Variants in LRRC37A2 observed in about 807,000 individuals in gnomAD.
LRRC37A2 encodes the protein leucine-rich repeat-containing protein 37A2.
Under a neutral mutation model 68.8 loss-of-function variants are expected in LRRC37A2, and 9 were observed. That is an observed-to-expected ratio of 0.13 (90% CI 0.08 to 0.23). LRRC37A2 has a LOEUF of 0.23. LRRC37A2 is among the 10% of genes least tolerant of loss of function. The pLI, the probability that LRRC37A2 is intolerant of heterozygous loss-of-function variation, is 1.00. For missense variants in LRRC37A2, 168 were observed against 950.4 expected (o/e 0.18, Z 10.82); for synonymous variants, 63 against 367.6 (o/e 0.17, Z 9.48).
the LRRC37A2 span, chr17:47,018,681 G>A: frequency 1.3e-6 from 2 of 1,520,350 alleles, no homozygotes; most frequent in Non-Finnish European, 1.8e-6. Flanking sequence ...AACCCAGCAG[G>A]AGGCTGCAGC....
intron 6 of LRRC37A2, among the ~76,000 whole-genome samples, chr17:46,534,404 C>T (rs375026318): frequency 4.8e-5 from 7 of 147,344 alleles, no homozygotes; most frequent in East Asian, 3.9e-4. Context: ...TGACTCTTAA[C>T]GAGCATGCTG....
the LRRC37A2 span, among the ~76,000 whole-genome samples, chr17:46,781,208 A>G: frequency 6.9e-6 from 1 of 144,758 alleles, no homozygotes; most frequent in Non-Finnish European, 1.5e-5. Context: ...CTTGGGCGAC[A>G]GAGCAAGACT....
At position 46,554,992 on chromosome 17, in the gene LRRC37A2, AATT is replaced by A. The variant is rs1192318231; in HGVS notation, c.4860-156_4860-154del. On this transcript the variant is annotated intron_variant, in intron 12 of 14. Transcript: ENST00000576629. ...GCTTCTGAAAGTCCCACATGCATGG[AATT>A]ATTTTCAAGACCCCGGGTATGTGGT... 4.8e-6 allele frequency: 2 copies of A among 415,782 alleles called. 1 individual carries two copies. Among genetic ancestry groups the A allele is most frequent in the East Asian group, 1.4e-4 (2 of 13,916 alleles). The allele number at this position is 415,782 out of a possible 1,614,324, so 25.8% of individuals were successfully genotyped here. A position where few individuals can be genotyped will look rare whatever the true frequency, so the allele number is the denominator to read the frequency against.
chr17:46,946,663 G>C, the LRRC37A2 span, among the ~76,000 whole-genome samples: 3 of 152,134 alleles, frequency 2.0e-5, no homozygotes, highest in Non-Finnish European at 4.4e-5. Context: ...AGGAGTTCGA[G>C]ACCAGCCTGG....
chr17:46,534,709 G>T (rs1310637517), intron 6 of LRRC37A2, among the ~76,000 whole-genome samples: 1 of 150,022 alleles, frequency 6.7e-6, no homozygotes, highest in Non-Finnish European at 1.5e-5. Flanking sequence ...TGAGCTGTTG[G>T]GTACACCTCC....
At chr17:46,778,902 G>A in the LRRC37A2 span, among the ~76,000 whole-genome samples, 12 of 152,116 alleles carry the variant, frequency 7.9e-5, no homozygotes, top group African/African-American at 2.9e-4. Flanking sequence ...CCTCTCCTCC[G>A]CCTGAATCTT....
chr17:46,956,497 T>C, the LRRC37A2 span, among the ~76,000 whole-genome samples: 2 of 152,090 alleles, frequency 1.3e-5, no homozygotes, highest in African/African-American at 4.8e-5. Context: ...GGTTTCTGTC[T>C]CTACTGGTTG....
the LRRC37A2 span, among the ~76,000 whole-genome samples, chr17:46,846,888 C>T: frequency 6.6e-6 from 1 of 152,154 alleles, no homozygotes; most frequent in African/African-American, 2.4e-5. Context: ...CAAGATAGGA[C>T]AGGGGCCCTT....
chr17:46,740,920 T>G, the LRRC37A2 span, among the ~76,000 whole-genome samples: 1 of 152,102 alleles, frequency 6.6e-6, no homozygotes, highest in African/African-American at 2.4e-5. Context: ...TCTCAATATC[T>G]TCTTAATTTA....
At chr17:46,897,847 G>T in the LRRC37A2 span, among the ~76,000 whole-genome samples, 1 of 151,946 alleles carries the variant, frequency 6.6e-6, no homozygotes, top group Non-Finnish European at 1.5e-5. Flanking sequence ...TGAACCCCTT[G>T]CTTCTCTCCT....
the LRRC37A2 span, among the ~76,000 whole-genome samples, chr17:46,839,674 C>T: frequency 6.6e-6 from 1 of 152,098 alleles, no homozygotes; most frequent in Admixed American, 6.5e-5. Flanking sequence ...CAATGCTCTC[C>T]CTCCCCCAGT....
At chr17:47,020,127 G>A in the LRRC37A2 span, among the ~76,000 whole-genome samples, 14 of 151,070 alleles carry the variant, frequency 9.3e-5, no homozygotes, top group Middle Eastern at 3.4e-3. Context: ...TCTCAGTGAT[G>A]ATGCTCTAAG....
the LRRC37A2 span, among the ~76,000 whole-genome samples, chr17:46,874,537 C>T: frequency 6.6e-6 from 1 of 152,108 alleles, no homozygotes; most frequent in Non-Finnish European, 1.5e-5. Flanking sequence ...GGAACATACT[C>T]CATAGTGAAT....
chr17:47,043,474 G>A, the LRRC37A2 span, among the ~76,000 whole-genome samples: 1 of 147,542 alleles, frequency 6.8e-6, no homozygotes, highest in South Asian at 2.2e-4. Flanking sequence ...ACTCCAGCCC[G>A]GGCGACAGAG....
At chr17:46,818,233 C>T in the LRRC37A2 span, among the ~76,000 whole-genome samples, 1 of 151,926 alleles carries the variant, frequency 6.6e-6, no homozygotes, top group Admixed American at 6.6e-5. Context: ...TAGATTGGGA[C>T]GGGCAGAGGG....
the LRRC37A2 span, among the ~76,000 whole-genome samples, chr17:46,772,140 G>C: frequency 6.6e-6 from 1 of 152,162 alleles, no homozygotes; most frequent in Non-Finnish European, 1.5e-5. Flanking sequence ...CGCGAACCTG[G>C]GTTCAAGGTC....
the LRRC37A2 span, among the ~76,000 whole-genome samples, chr17:46,856,747 G>C: frequency 2.6e-5 from 4 of 151,098 alleles, no homozygotes; most frequent in Admixed American, 6.6e-5. Context: ...GCCTCCCAAA[G>C]TGCTAGAATT....
the LRRC37A2 span, chr17:46,874,821 G>A: frequency 4.1e-5 from 23 of 567,628 alleles, no homozygotes; most frequent in Middle Eastern, 2.9e-4. Flanking sequence ...CAAATGATCC[G>A]CCCGCCTTGG....
chr17:46,835,039 G>C, the LRRC37A2 span, among the ~76,000 whole-genome samples: 16 of 152,088 alleles, frequency 1.1e-4, no homozygotes, highest in Non-Finnish European at 2.4e-4. Flanking sequence ...CTGTTGTCCA[G>C]GCTGCAGCGC....
Sources: gnomAD v4.1 joint callset for allele counts (sites outside exome capture counted in the v4.1 genomes callset) on GRCh38, gnomAD v4.1.1 for gene constraint, MANE v1.5 for transcripts, NCBI Gene and HGNC (gene_info 2026-07-23, HGNC 2026-07-21) for gene names.